Variants in LPP observed in about 807,000 individuals in gnomAD.
The protein encoded by LPP is lipoma-preferred partner.
A neutral mutation model predicts 60.4 loss-of-function variants in LPP; 38 were observed. That is an observed-to-expected ratio of 0.63 (90% CI 0.49 to 0.83). The LOEUF (loss-of-function observed/expected upper bound fraction) is 0.83. LPP is among the 40% of genes least tolerant of loss of function. The probability of loss-of-function intolerance (pLI) is 0.00; values close to 1 mark genes in which losing one functional copy is unlikely to be tolerated. For missense variants in LPP, 902 were observed against 783.6 expected (o/e 1.15, Z -1.80); for synonymous variants, 328 against 290.8 (o/e 1.13, Z -1.30).
At chr3:188,429,643 A>T (rs78202520) in intron 4 of LPP, among the ~76,000 whole-genome samples, 1 of 152,188 alleles carries the variant, frequency 6.6e-6, no homozygotes, top group Non-Finnish European at 1.5e-5. Context: ...AAGCCAATTC[A>T]TCTTGCTTAT....
intron 6 of LPP, among the ~76,000 whole-genome samples, chr3:188,603,368 T>C (rs1378422369): frequency 1.3e-5 from 2 of 150,642 alleles, no homozygotes; most frequent in African/African-American, 4.9e-5. Context: ...TTTTTTAACA[T>C]GTCAACTATT....
Position 188,484,672 on chromosome 3 carries a change from C to G in LPP, c.274C>G (p.Pro92Ala). The change falls in exon 5 of 12, where the codon CCA (proline) becomes GCA (alanine). Residue 92 changes from proline (P) to alanine (A), a missense_variant. By Grantham distance (27) the Pro-to-Ala change is conservative. Transcript: ENST00000617246. ...TATCTCTGGAAACTTTCCTCCTCCA[C>G]CACCTCTTGATGAAGAGGCTTTCAA... Reference protein sequence around the residue: ...PSISGNFPPPPPLDEEAFKVQ... With the variant: ...PSISGNFPPPAPLDEEAFKVQ... The G allele has an allele frequency of 6.2e-7, 1 of 1,613,506 alleles. No individual in the cohort carries two copies. Among genetic ancestry groups the G allele is most frequent in the Non-Finnish European group, 8.5e-7 (1 of 1,179,498 alleles).
At chr3:188,551,838 A>G (rs1471743595) in intron 6 of LPP, among the ~76,000 whole-genome samples, 1 of 152,142 alleles carries the variant, frequency 6.6e-6, no homozygotes, top group Non-Finnish European at 1.5e-5. Context: ...CATGGCATAA[A>G]CTATTTCAGG....
chr3:188,462,725 T>C (rs1041912926), intron 4 of LPP, among the ~76,000 whole-genome samples: 1 of 151,366 alleles, frequency 6.6e-6, no homozygotes, highest in Non-Finnish European at 1.5e-5. Flanking sequence ...ATTCAAGTTG[T>C]AATCAAACTG....
intron 6 of LPP, among the ~76,000 whole-genome samples, chr3:188,550,803 A>G (rs748245232): frequency 6.6e-6 from 1 of 152,134 alleles, no homozygotes; most frequent in Non-Finnish European, 1.5e-5. Context: ...CCTTATTTCT[A>G]GAATGTATTC....
chr3:188,609,455 C>G lies in LPP; in HGVS notation c.724C>G (p.Gln242Glu). The part of the protein sequence containing the change: ...PHYMAAPSSG[Q>E]IYGSGPQGYN... ...TTATATGGCTGCCCCTTCATCAGGACAAATTTATGGCTCAGGGCCCCAGGG... is the reference window on the plus strand; with the variant it reads ...TTATATGGCTGCCCCTTCATCAGGAGAAATTTATGGCTCAGGGCCCCAGGG... The change falls in exon 7 of 12, where the codon CAA (glutamine) becomes GAA (glutamate). Residue 242 changes from glutamine (Q) to glutamate (E), a missense_variant. Transcript: ENST00000617246. The surrounding 1 kb of genome is among the most constrained non-coding windows in gnomAD (Gnocchi z 6.9). 3 of 1,614,176 alleles carry G rather than the reference C, an allele frequency of 1.9e-6. No homozygotes were observed. The highest frequency in any genetic ancestry group is 2.5e-6 in the Non-Finnish European group (3 of 1,180,026).
intron 4 of LPP, among the ~76,000 whole-genome samples, chr3:188,407,790 T>TTTTTTTTTTTTTTTTTTTTTTTTTG (rs1560364521): frequency 5.2e-5 from 4 of 76,324 alleles, no homozygotes; most frequent in Non-Finnish European, 7.4e-5. Flanking sequence ...GTTTGTTTGT[T>TTTTTTTTTTTTTTTTTTTTTTTTTG]TTTTTTTTTT....
At chr3:188,634,456 CG>C (rs1210539720) in intron 7 of LPP, among the ~76,000 whole-genome samples, 3 of 152,170 alleles carry the variant, frequency 2.0e-5, no homozygotes, top group Non-Finnish European at 2.9e-5. Context: ...GCCCAACCCC[CG>C]GGCCATGGAC....
intron 4 of LPP, among the ~76,000 whole-genome samples, chr3:188,438,153 G>A (rs1442405972): frequency 6.6e-6 from 1 of 152,054 alleles, no homozygotes; most frequent in Non-Finnish European, 1.5e-5. Context: ...AGTCAGGATG[G>A]CTAAGCATGG....
rs71169019 is a variant in LPP at position 188,765,861 on chromosome 3, CTT to C, written c.1410+5604_1410+5605del. Reference sequence around the variant, plus strand: ...GCAACGTGCAACTTAATGTTCAACTCTTTTTTTTTTTTTTTTTTTTTTTTTTG... The same window carrying C: ...GCAACGTGCAACTTAATGTTCAACTCTTTTTTTTTTTTTTTTTTTTTTTTG... On this transcript the variant is annotated intron_variant, in intron 9 of 11. Coordinates refer to ENST00000617246, the MANE Select transcript of LPP (RefSeq NM_001375462.1). 2.2e-3 allele frequency among the ~76,000 whole-genome samples: 206 copies of C among 92,562 alleles called. 1 individual carries two copies. Among genetic ancestry groups the C allele is most frequent in the African/African-American group, 8.2e-3 (188 of 22,978 alleles). 60.7% of individuals were successfully genotyped at this position (92,562 alleles called of 152,430 possible).
chr3:188,425,892 A>C (rs1789179983), intron 4 of LPP, among the ~76,000 whole-genome samples: 1 of 152,086 alleles, frequency 6.6e-6, no homozygotes, highest in South Asian at 2.1e-4. Flanking sequence ...ATCTTTTCAA[A>C]ACACCAGCTC....
chr3:188,291,539 G>A lies in LPP; in HGVS notation c.-66-50124G>A, dbSNP rs538955619. 2.6e-5 allele frequency among the ~76,000 whole-genome samples: 4 copies of A among 151,802 alleles called. No individual in the cohort carries two copies. In the South Asian group the frequency reaches 6.3e-4, roughly 24 times the overall value. ...TGGGCGCCTGTAGTCCCAGCTACTC[G>A]GGAGGCTGAGGCAGGATAATGGTGT... On this transcript the variant is annotated intron_variant, in intron 2 of 11. Transcript: ENST00000617246.
At chr3:188,611,539 A>G (rs1843718471) in intron 7 of LPP, among the ~76,000 whole-genome samples, 2 of 152,210 alleles carry the variant, frequency 1.3e-5, no homozygotes, top group African/African-American at 4.8e-5. Flanking sequence ...GGAAGATTAC[A>G]GTAAAATAAA....
At chr3:188,223,850 C>G (rs1330070551) in intron 1 of LPP, among the ~76,000 whole-genome samples, 2 of 152,104 alleles carry the variant, frequency 1.3e-5, no homozygotes, top group East Asian at 3.9e-4. Flanking sequence ...TCCTAACAAC[C>G]CATTTCTCAG....
chr3:188,156,560 A>G (rs187872344), intron 1 of LPP, among the ~76,000 whole-genome samples: 62 of 152,230 alleles, frequency 4.1e-4, no homozygotes, highest in African/African-American at 1.5e-3. Context: ...TTGGCTTGGC[A>G]CGATGGCTCA....
intron 6 of LPP, among the ~76,000 whole-genome samples, chr3:188,527,232 C>T (rs1209061108): frequency 1.3e-5 from 2 of 151,556 alleles, no homozygotes; most frequent in Non-Finnish European, 2.9e-5. Flanking sequence ...CGCCTGTAAT[C>T]CCAGCTATTC....
chr3:188,378,717 C>G (rs111526158), intron 3 of LPP, among the ~76,000 whole-genome samples: 1,702 of 152,274 alleles, frequency 0.011, 29 homozygotes, highest in African/African-American at 0.037. Context: ...TGCACCCACT[C>G]TGCTGCACCT....
chr3:188,424,828 C>T (rs1788841373), intron 4 of LPP, among the ~76,000 whole-genome samples: 1 of 152,148 alleles, frequency 6.6e-6, no homozygotes, highest in South Asian at 2.1e-4. Flanking sequence ...TGCTTATCAG[C>T]TTAAGGAGAT....
At position 188,866,155 on chromosome 3, in the gene LPP, C is replaced by A. The variant is rs772158949; in HGVS notation, c.1411-45C>A. The A allele has an allele frequency of 2.2e-5, 31 of 1,400,458 alleles. No homozygotes were observed. In the South Asian group the frequency reaches 4.9e-4, roughly 22 times the overall value. 86.8% of individuals were successfully genotyped at this position (1,400,458 alleles called of 1,614,324 possible). On this transcript the variant is annotated intron_variant, in intron 9 of 11. Coordinates refer to ENST00000617246, the MANE Select transcript of LPP (RefSeq NM_001375462.1). ...AAAGATGCCTGTCATGCAGTATGGACCCCCTTCTGTCCCAGTCTGACGTGG... is the reference window on the plus strand; with the variant it reads ...AAAGATGCCTGTCATGCAGTATGGAACCCCTTCTGTCCCAGTCTGACGTGG...
Sources: allele counts gnomAD v4.1 joint callset (sites outside exome capture counted in the v4.1 genomes callset), GRCh38; gene constraint gnomAD v4.1.1; non-coding constraint Gnocchi (gnomAD v3.1); transcripts MANE v1.5; gene names NCBI Gene and HGNC (gene_info 2026-07-23, HGNC 2026-07-21).